MAP7D2: variants seen among roughly 807,000 people sequenced by gnomAD.
The protein encoded by MAP7D2 is MAP7 domain containing 2.
Under a neutral mutation model 63.5 loss-of-function variants are expected in MAP7D2, and 33 were observed. The observed-to-expected ratio is 0.52, with a 90% CI of 0.39 to 0.70. The LOEUF (loss-of-function observed/expected upper bound fraction) is 0.70. Ranked by LOEUF, MAP7D2 falls within the 30% of genes least tolerant of loss-of-function variation. The probability of loss-of-function intolerance (pLI) is 0.00; values close to 1 mark genes in which losing one functional copy is unlikely to be tolerated. For synonymous variants in MAP7D2, 224 were observed against 223.7 expected, an observed-to-expected ratio of 1.00 and a Z score of -0.01; for missense variants, 626 against 604.0, an observed-to-expected ratio of 1.04 and a Z score of -0.38.
rs754364439 is a variant in MAP7D2, at chrX:20,116,894, C to A, written c.-15G>T. 5 of 1,085,353 alleles carry A rather than the reference C, an allele frequency of 4.6e-6. No homozygotes were observed. The Middle Eastern group carries it at 9.1e-4, about 197-fold the overall frequency. 89.4% of individuals were successfully genotyped at this position (1,085,353 alleles called of 1,213,427 possible). The stretch of plus-strand genomic sequence containing the variant: ...CCGCGCTCCATCGGGATGCGCCGGC[C>A]GCACAGGCGCACTGCCAAGCCCGCC... On this transcript the variant is annotated 5_prime_UTR_variant, in exon 1 of 17. Coordinates refer to ENST00000379643, the MANE Select transcript of MAP7D2 (RefSeq NM_001168465.2).
At position 20,051,024 on chromosome X, in the gene MAP7D2, G is replaced by A. The variant is rs749455338; in HGVS notation, c.596-78C>T. The A allele has an allele frequency of 4.7e-6, 4 of 850,797 alleles. No individual in the cohort carries two copies. The South Asian group carries it at 1.4e-4, about 31-fold the overall frequency. The allele number at this position is 850,797 out of a possible 1,213,427, so 70.1% of individuals were successfully genotyped here. On this transcript the variant is annotated intron_variant, in intron 5 of 16. Transcript: ENST00000379643. ...AAATAAAACATTTAAACAACACAAT[G>A]CATGGTGCAAATTAACTTTTGGGTG...
At chrX:20,056,634 T>TA (rs776305990) in intron 4 of MAP7D2, 46 bp downstream of exon 4, 4 of 1,091,947 alleles carry the variant, frequency 3.7e-6, no homozygotes, top group Non-Finnish European at 3.8e-6. Context: ...CCTGCTCCAT[T>TA]ATTTCCCACC....
chrX:20,021,961 C>T (rs1379848144), intron 10 of MAP7D2, among the ~76,000 whole-genome samples: 2 of 111,983 alleles, frequency 1.8e-5, no homozygotes, highest in Admixed American at 1.9e-4. Flanking sequence ...GCGCCAGGCA[C>T]CAGTGATCCA....
chrX:20,054,445 G>C (rs2065022463), intron 4 of MAP7D2, among the ~76,000 whole-genome samples: 1 of 111,454 alleles, frequency 9.0e-6, no homozygotes, highest in African/African-American at 3.3e-5. Context: ...ATCACATTAA[G>C]ATATTATTTT....
At chrX:20,078,927 G>A (rs999907504) in intron 1 of MAP7D2, among the ~76,000 whole-genome samples, 8 of 109,332 alleles carry the variant, frequency 7.3e-5, no homozygotes, top group African/African-American at 2.7e-4. Context: ...CTCCAGTGGG[G>A]GACCCATTGG....
intron 1 of MAP7D2, among the ~76,000 whole-genome samples, chrX:20,073,816 G>A (rs1410766912): frequency 9.9e-5 from 10 of 100,544 alleles, no homozygotes; most frequent in Admixed American, 2.1e-4. Flanking sequence ...GTGAGCCACT[G>A]CACCCGGCCC....
intron 1 of MAP7D2, among the ~76,000 whole-genome samples, chrX:20,083,722 T>C (rs775669046): frequency 1.8e-5 from 2 of 112,011 alleles, no homozygotes; most frequent in South Asian, 7.4e-4. Flanking sequence ...AATAGCAAGC[T>C]ACACAATCCT....
At chrX:20,051,079 CAAAG>C in intron 5 of MAP7D2, 133 bp from the exon 6 acceptor site, 1 of 553,238 alleles carries the variant, frequency 1.8e-6, no homozygotes, top group Non-Finnish European at 2.7e-6. Context: ...AATATTTGAA[CAAAG>C]GATGGATTTG....
chrX:20,116,756 G>A lies in MAP7D2; in HGVS notation c.124C>T (p.Pro42Ser), dbSNP rs1477004225. ...AVRTSQPNYR[P>S]QGMEGFLKSD... ...CACACTCTGGGGATAATACCTTGAGGCCGGTAGTTGGGCTGAGAGGTCCGC... is the reference window on the plus strand; with the variant it reads ...CACACTCTGGGGATAATACCTTGAGACCGGTAGTTGGGCTGAGAGGTCCGC... The change falls in exon 1 of 17, where the codon CCT (proline) becomes TCT (serine). Residue 42 changes from proline (P) to serine (S), a missense_variant. Transcript: ENST00000379643. 1 of 1,180,481 alleles carries A rather than the reference G, an allele frequency of 8.5e-7. No individual in the cohort carries two copies. The highest frequency in any genetic ancestry group is 1.8e-5 in the African/African-American group (1 of 55,694).
At chrX:20,013,996 C>T (rs2073294411) in intron 12 of MAP7D2, among the ~76,000 whole-genome samples, 1 of 112,276 alleles carries the variant, frequency 8.9e-6, no homozygotes, top group South Asian at 3.7e-4. Context: ...GAGAAGGCCA[C>T]AGGCTGGTCT....
At chrX:20,048,951 GTA>G (rs1224034616) in intron 6 of MAP7D2, among the ~76,000 whole-genome samples, 15 of 107,821 alleles carry the variant, frequency 1.4e-4, no homozygotes, top group South Asian at 7.9e-4. Flanking sequence ...ATACATATAT[GTA>G]TACGTATATG....
intron 1 of MAP7D2, among the ~76,000 whole-genome samples, chrX:20,107,690 A>G (rs1375058851): frequency 9.0e-6 from 1 of 111,731 alleles, no homozygotes; most frequent in Non-Finnish European, 1.9e-5. Flanking sequence ...TGTGTCTACT[A>G]GAAAAATTAA....
intron 1 of MAP7D2, among the ~76,000 whole-genome samples, chrX:20,105,379 C>CA (rs767110968): frequency 1.5e-4 from 17 of 111,188 alleles, no homozygotes; most frequent in Admixed American, 1.3e-3. Context: ...GAAGACAGAC[C>CA]AACTGCTCAG....
chrX:20,030,624 T>C (rs1276518084), intron 8 of MAP7D2, among the ~76,000 whole-genome samples: 1 of 111,617 alleles, frequency 9.0e-6, no homozygotes, highest in Non-Finnish European at 1.9e-5. Context: ...TCTAGTTCCA[T>C]GTTCTCCAAA....
chrX:20,059,222 G>C (rs1171270033), intron 3 of MAP7D2, among the ~76,000 whole-genome samples: 1 of 112,056 alleles, frequency 8.9e-6, no homozygotes, highest in Non-Finnish European at 1.9e-5. Context: ...TGAGAGATCA[G>C]GTAGGAGAAT....
intron 8 of MAP7D2, among the ~76,000 whole-genome samples, chrX:20,035,804 T>C (rs1328204286): frequency 9.1e-6 from 1 of 110,047 alleles, no homozygotes; most frequent in Non-Finnish European, 1.9e-5. Context: ...TCCCAGCTAT[T>C]TGGGAGGCTG....
chrX:20,039,440 G>C (rs1460452086), intron 8 of MAP7D2, among the ~76,000 whole-genome samples: 1 of 112,227 alleles, frequency 8.9e-6, no homozygotes, highest in Non-Finnish European at 1.9e-5. Flanking sequence ...GTTGTAGGAA[G>C]GATAGGCGTA....
At chrX:20,013,545 T>A in intron 13 of MAP7D2, 24 bp downstream of exon 13, 1 of 1,158,217 alleles carries the variant, frequency 8.6e-7, no homozygotes, top group Non-Finnish European at 1.2e-6. Flanking sequence ...CATAAACTAT[T>A]AAAATGGTCA....
chrX:20,021,510 C>T (rs2073640535), intron 10 of MAP7D2: 1 of 111,681 alleles, frequency 9.0e-6, no homozygotes, highest in Admixed American at 9.5e-5. Context: ...TCCTTCCTCA[C>T]TCCTCACCTC....
Sources: gnomAD v4.1 joint callset for allele counts (sites outside exome capture counted in the v4.1 genomes callset) on GRCh38, gnomAD v4.1.1 for gene constraint, MANE v1.5 for transcripts, NCBI Gene and HGNC (gene_info 2026-07-23, HGNC 2026-07-21) for gene names.